FGD4: variants seen among roughly 807,000 people sequenced by gnomAD.
FGD4 encodes the protein FYVE, RhoGEF and PH domain containing 4, also known as FYVE, RhoGEF and PH domain-containing protein 4.
A neutral mutation model predicts 102.0 loss-of-function variants in FGD4; 42 were observed. The ratio of observed to expected loss-of-function variants is 0.41; its 90% CI spans 0.32 to 0.53. The LOEUF is 0.53. FGD4 is among the 20% of genes least tolerant of loss of function. The probability of loss-of-function intolerance (pLI) is 0.21; values close to 1 mark genes in which losing one functional copy is unlikely to be tolerated. For missense variants in FGD4, 902 were observed against 1,078.2 expected, an observed-to-expected ratio of 0.84 and a Z score of 2.29; for synonymous variants, 380 against 375.7, an observed-to-expected ratio of 1.01 and a Z score of -0.13.
At chr12:32,593,967 A>G (rs1947677261) in intron 4 of FGD4, among the ~76,000 whole-genome samples, 1 of 152,222 alleles carries the variant, frequency 6.6e-6, no homozygotes, top group Non-Finnish European at 1.5e-5. Context: ...ATGACATTAT[A>G]GAAAGGAAAG....
At chr12:32,553,160 G>C (rs1420534880) in intron 1 of FGD4, among the ~76,000 whole-genome samples, 4 of 151,992 alleles carry the variant, frequency 2.6e-5, no homozygotes, top group African/African-American at 9.7e-5. Flanking sequence ...GCCATCCCGA[G>C]AGTGGTGGAG....
Position 32,590,558 on chromosome 12 carries a change from CA to C in FGD4, c.1012-7935del, listed in dbSNP as rs1361216138. 9.2e-5 allele frequency among the ~76,000 whole-genome samples: 14 copies of C among 152,128 alleles called. 1 individual carries two copies. The highest frequency in any genetic ancestry group is 3.1e-4 in the African/African-American group (13 of 41,418). On this transcript the variant is annotated intron_variant, in intron 4 of 16. Transcript: ENST00000534526. ...AAATCCAGAGGGATTTCTCCTCATGCAAAAGGCTGTAGCAGAGCACAAGTTG... is the reference window on the plus strand; with the variant it reads ...AAATCCAGAGGGATTTCTCCTCATGCAAAGGCTGTAGCAGAGCACAAGTTG...
At position 32,580,868 on chromosome 12, in the gene FGD4, CAG is replaced by C. The variant is rs1946555118; in HGVS notation, c.504-1089_504-1088del. On this transcript the variant is annotated intron_variant, in intron 3 of 16. Transcript: ENST00000534526. ...CGCCACTGCACTCCAGCCTGGGTGA[CAG>C]AGTGAGACTCCGTCTCAAAAAAAAA... Among the ~76,000 whole-genome samples, 3 of 140,462 alleles carry C rather than the reference CAG, an allele frequency of 2.1e-5. No homozygotes were observed. In the Admixed American group the frequency reaches 2.2e-4, roughly 10 times the overall value. 92.1% of individuals were successfully genotyped at this position (140,462 alleles called of 152,430 possible).
chr12:32,599,534 CTTT>C (rs764106230), intron 5 of FGD4, among the ~76,000 whole-genome samples: 7 of 35,352 alleles, frequency 2.0e-4, no homozygotes, highest in Non-Finnish European at 3.2e-4. Flanking sequence ...ACTAAGGCAT[CTTT>C]TTTTTTTTTT....
rs1222207216 is a variant in FGD4, at chr12:32,544,683, G to T, written c.167-19454G>T. ...GGAAGTGGAGGTTGCAGTGAGTTGA[G>T]ATCGCACCATTGCACTCCAGCCTGG... On this transcript the variant is annotated intron_variant, in intron 1 of 16. Coordinates refer to ENST00000534526, the MANE Select transcript of FGD4 (RefSeq NM_001370298.3). The surrounding 1 kb of genome is among the most constrained non-coding windows in gnomAD (Gnocchi z 4.1). Among the ~76,000 whole-genome samples the T allele has an allele frequency of 6.6e-6, 1 of 151,806 alleles. No individual in the cohort carries two copies. The highest frequency in any genetic ancestry group is 1.5e-5 in the Non-Finnish European group (1 of 68,002).
chr12:32,548,232 G>A (rs1268771343), intron 1 of FGD4, among the ~76,000 whole-genome samples: 3 of 152,136 alleles, frequency 2.0e-5, no homozygotes, highest in Admixed American at 6.5e-5. Context: ...GCATCCATGT[G>A]TGAGGGGGTG....
At chr12:32,577,356 T>G (rs1946211199) in intron 3 of FGD4, among the ~76,000 whole-genome samples, 1 of 152,380 alleles carries the variant, frequency 6.6e-6, no homozygotes, top group Admixed American at 6.5e-5. Flanking sequence ...AGTGTAATAT[T>G]TGGGACTTGT....
chr12:32,459,685 A>C (rs1446263813), intron 1 of FGD4, among the ~76,000 whole-genome samples: 1 of 152,080 alleles, frequency 6.6e-6, no homozygotes, highest in Non-Finnish European at 1.5e-5. Flanking sequence ...AAGTGTTTAC[A>C]AGTAGATTTT....
chr12:32,618,911 A>G (rs1169844463), intron 10 of FGD4, among the ~76,000 whole-genome samples: 1 of 152,248 alleles, frequency 6.6e-6, no homozygotes, highest in Non-Finnish European at 1.5e-5. Flanking sequence ...GACTGCAGTG[A>G]GTCCTGTAGC....
intron 4 of FGD4, among the ~76,000 whole-genome samples, chr12:32,595,106 A>C (rs1947785396): frequency 6.6e-6 from 1 of 151,718 alleles, no homozygotes; most frequent in South Asian, 2.1e-4. Flanking sequence ...ATTTCCTGTG[A>C]ATATGAAGGA....
At chr12:32,461,990 G>A (rs970695808) in intron 1 of FGD4, among the ~76,000 whole-genome samples, 1 of 152,128 alleles carries the variant, frequency 6.6e-6, no homozygotes, top group African/African-American at 2.4e-5. Context: ...CTCCCAAAGT[G>A]CCAGGATTAC....
At chr12:32,626,451 A>G (rs1271318843) in intron 14 of FGD4, among the ~76,000 whole-genome samples, 1 of 110,316 alleles carries the variant, frequency 9.1e-6, no homozygotes, top group African/African-American at 4.0e-5. Flanking sequence ...TCTCAGAAAA[A>G]AAAAAAAAAA....
intron 4 of FGD4, among the ~76,000 whole-genome samples, chr12:32,591,656 A>T (rs887244096): frequency 4.2e-4 from 64 of 152,204 alleles, no homozygotes; most frequent in African/African-American, 1.5e-3. Flanking sequence ...TGTGAGCTGC[A>T]GTGGGGGCCC....
At chr12:32,472,903 GT>G (rs1943457215) in intron 1 of FGD4, among the ~76,000 whole-genome samples, 1 of 152,136 alleles carries the variant, frequency 6.6e-6, no homozygotes, top group Admixed American at 6.5e-5. Context: ...GAACCTTTAT[GT>G]GTAGCTCAAG....
chr12:32,553,673 T>G (rs1325546496), intron 1 of FGD4, among the ~76,000 whole-genome samples: 14 of 152,212 alleles, frequency 9.2e-5, no homozygotes, highest in Admixed American at 8.5e-4. Flanking sequence ...ACCTTTGAAC[T>G]CAAAAGATCT....
chr12:32,493,196 A>G (rs1643988930), intron 1 of FGD4, among the ~76,000 whole-genome samples: 1 of 152,228 alleles, frequency 6.6e-6, no homozygotes, highest in Non-Finnish European at 1.5e-5. Flanking sequence ...GCAGAGAAAT[A>G]GGGAGATACA....
intron 1 of FGD4, among the ~76,000 whole-genome samples, chr12:32,562,318 C>G (rs935886774): frequency 3.7e-4 from 57 of 152,282 alleles, no homozygotes; most frequent in Middle Eastern, 3.4e-3. Flanking sequence ...CAGGAAAACT[C>G]TTTGTCAAGG....
At chr12:32,607,893 AG>A (rs1948887666) in intron 7 of FGD4, 63 bp from the exon 8 acceptor site, 1 of 1,588,126 alleles carries the variant, frequency 6.3e-7, no homozygotes, top group Non-Finnish European at 8.6e-7. Context: ...TCTGTTTTAC[AG>A]TGAGTTTTTA....
chr12:32,628,460 AGG>A (rs1950302966), intron 14 of FGD4, among the ~76,000 whole-genome samples: 1 of 152,116 alleles, frequency 6.6e-6, no homozygotes. Flanking sequence ...TCCCAGTGGA[AGG>A]GCATGGAGGG....
Sources: gnomAD v4.1 joint callset for allele counts (sites outside exome capture counted in the v4.1 genomes callset) on GRCh38, gnomAD v4.1.1 for gene constraint, Gnocchi (gnomAD v3.1) non-coding constraint, MANE v1.5 for transcripts, NCBI Gene and HGNC (gene_info 2026-07-23, HGNC 2026-07-21) for gene names.